SMOC1: variants seen among roughly 807,000 people sequenced by gnomAD.
SMOC1 encodes the protein SPARC related modular calcium binding 1.
A neutral mutation model predicts 56.3 loss-of-function variants in SMOC1; 22 were observed. That is an observed-to-expected ratio of 0.39 (90% CI 0.28 to 0.56). The LOEUF (loss-of-function observed/expected upper bound fraction) is 0.56, where lower values mean the gene tolerates loss of function less well. Among genes scored for constraint, SMOC1 ranks in the 20% least tolerant of loss-of-function variants. SMOC1 has a pLI of 0.61. For missense variants in SMOC1, 509 were observed against 565.4 expected, an observed-to-expected ratio of 0.90 and a Z score of 1.01; for synonymous variants, 193 against 215.0, an observed-to-expected ratio of 0.90 and a Z score of 0.89.
rs1883023884 is a variant in SMOC1 at position 69,952,181 on chromosome 14, C to T, written c.143C>T (p.Ser48Phe). The T allele has an allele frequency of 1.2e-6, 2 of 1,614,152 alleles. No individual in the cohort carries two copies. The highest frequency in any genetic ancestry group is 2.7e-5 in the African/African-American group (2 of 75,042). ...GACCCACAGTGCAACCTCCACTGCT[C>T]CAGGACTCAACCCAAACCCATCTGT... ...DRDPQCNLHC[S>F]RTQPKPICAS... Residue 48 changes from serine to phenylalanine, a missense_variant, in exon 2 of 12, where the codon TCC becomes TTC. By Grantham distance (155) the Ser-to-Phe change is radical (BLOSUM62 -2). Coordinates refer to ENST00000361956, the MANE Select transcript of SMOC1 (RefSeq NM_001034852.3).
chr14:69,950,161 C>T (rs1387699164), intron 1 of SMOC1, among the ~76,000 whole-genome samples: 1 of 152,248 alleles, frequency 6.6e-6, no homozygotes, highest in Non-Finnish European at 1.5e-5. Flanking sequence ...CGCAATTTCA[C>T]TGTCCATTTG....
intron 1 of SMOC1, among the ~76,000 whole-genome samples, chr14:69,918,611 A>G (rs964595763): frequency 2.0e-5 from 3 of 152,188 alleles, no homozygotes; most frequent in East Asian, 1.9e-4. Flanking sequence ...GCTGGTGACC[A>G]TGGCTAAGTA....
At chr14:69,946,867 C>G (rs865972110) in intron 1 of SMOC1, among the ~76,000 whole-genome samples, 39 of 152,228 alleles carry the variant, frequency 2.6e-4, no homozygotes, top group African/African-American at 8.2e-4. Flanking sequence ...ATAGTGAGTA[C>G]TTGTGATATC....
chr14:69,965,885 G>A lies in SMOC1; in HGVS notation c.379-9830G>A, dbSNP rs116116344. Among the ~76,000 whole-genome samples, 309 of 152,322 alleles carry A rather than the reference G, an allele frequency of 2.0e-3. 2 individuals are homozygous for A. The highest frequency in any genetic ancestry group is 7.2e-3 in the African/African-American group (298 of 41,574). ...TTTTGCCACTGCTCTGTGAGTGCAC[G>A]TAACATGCTGGGAGGTGACCCGGCA... On this transcript the variant is annotated intron_variant, in intron 3 of 11. Transcript: ENST00000361956.
At chr14:69,999,271 T>A (rs1594847474) in intron 7 of SMOC1, among the ~76,000 whole-genome samples, 1 of 150,344 alleles carries the variant, frequency 6.7e-6, no homozygotes, top group Non-Finnish European at 1.5e-5. Context: ...GGATAGCTGC[T>A]ATGACTGGGA....
chr14:69,981,249 T>C lies in SMOC1; in HGVS notation c.526+3284T>C, dbSNP rs761705248. Among the ~76,000 whole-genome samples the C allele has an allele frequency of 2.3e-4, 35 of 152,038 alleles. 1 individual carries two copies. The highest frequency in any genetic ancestry group is 2.6e-4 in the Non-Finnish European group (18 of 67,990). ...GGGGAAGGAGGGGGAGACACTGTTATCTTACCCAGATGCACGTGCTCCAGG... is the reference window on the plus strand; with the variant it reads ...GGGGAAGGAGGGGGAGACACTGTTACCTTACCCAGATGCACGTGCTCCAGG... On this transcript the variant is annotated intron_variant, in intron 5 of 11. Coordinates refer to ENST00000361956, the MANE Select transcript of SMOC1 (RefSeq NM_001034852.3).
chr14:70,003,297 A>C (rs1885034106), intron 7 of SMOC1, among the ~76,000 whole-genome samples: 1 of 152,154 alleles, frequency 6.6e-6, no homozygotes, highest in Admixed American at 6.5e-5. Context: ...CTCCTTTTGC[A>C]ATGAAACCCA....
At chr14:69,919,950 C>T (rs972171354) in intron 1 of SMOC1, among the ~76,000 whole-genome samples, 2 of 135,312 alleles carry the variant, frequency 1.5e-5, no homozygotes, top group African/African-American at 5.4e-5. Flanking sequence ...GGATAAAAGG[C>T]ACATACATTG....
At chr14:69,914,841 C>T (rs1185653265) in intron 1 of SMOC1, among the ~76,000 whole-genome samples, 1 of 150,612 alleles carries the variant, frequency 6.6e-6, no homozygotes, top group East Asian at 2.0e-4. Context: ...GACTAGTTTA[C>T]GTATTCTTTT....
At chr14:70,018,879 G>A (rs376979141) in intron 10 of SMOC1, among the ~76,000 whole-genome samples, 16 of 152,336 alleles carry the variant, frequency 1.1e-4, no homozygotes, top group African/African-American at 3.1e-4. Context: ...TTTCCCAGCC[G>A]CACCCGCACA....
intron 1 of SMOC1, among the ~76,000 whole-genome samples, chr14:69,902,761 C>T (rs59691011): frequency 0.033 from 5,073 of 152,262 alleles, 213 homozygotes; most frequent in African/African-American, 0.097. Context: ...CGATTGCAGG[C>T]GCGCGCCGCC....
intron 1 of SMOC1, among the ~76,000 whole-genome samples, chr14:69,889,303 A>C (rs1883896757): frequency 6.6e-6 from 1 of 152,118 alleles, no homozygotes; most frequent in Admixed American, 6.5e-5. Flanking sequence ...CCTGCCCATC[A>C]TTCAAAAGGT....
At chr14:69,925,803 T>C (rs1045034521) in intron 1 of SMOC1, among the ~76,000 whole-genome samples, 3 of 152,160 alleles carry the variant, frequency 2.0e-5, no homozygotes, top group African/African-American at 7.2e-5. Flanking sequence ...GCAAGTTCAT[T>C]GTAGGTTAGA....
intron 5 of SMOC1, among the ~76,000 whole-genome samples, chr14:69,985,764 A>G (rs1030573947): frequency 1.1e-4 from 17 of 152,210 alleles, no homozygotes; most frequent in Non-Finnish European, 1.2e-4. Context: ...AAGTGGATAG[A>G]TTGCAAAATG....
chr14:70,006,040 T>A (rs1242850626), intron 7 of SMOC1, among the ~76,000 whole-genome samples: 1 of 152,202 alleles, frequency 6.6e-6, no homozygotes, highest in East Asian at 1.9e-4. Context: ...TGTCTTGCAT[T>A]CTGGAAGGGG....
intron 3 of SMOC1, among the ~76,000 whole-genome samples, chr14:69,968,142 G>A (rs1366586185): frequency 1.3e-5 from 2 of 152,290 alleles, no homozygotes; most frequent in African/African-American, 2.4e-5. Flanking sequence ...AAACTCTCAC[G>A]TAGAAAACTA....
chr14:69,883,889 ATTTTTTTTTTTTTT>A (rs34300667), intron 1 of SMOC1, among the ~76,000 whole-genome samples: 18 of 66,624 alleles, frequency 2.7e-4, no homozygotes, highest in African/African-American at 1.0e-3. Context: ...GATGTTGAGC[ATTTTTTTTTTTTTT>A]TTTTTTTTTT....
intron 5 of SMOC1, among the ~76,000 whole-genome samples, chr14:69,982,516 GCAAACATCC>G (rs1241044772): frequency 6.6e-6 from 1 of 152,206 alleles, no homozygotes; most frequent in Non-Finnish European, 1.5e-5. Context: ...GCAATGGCTG[GCAAACATCC>G]CAGACGAAGG....
At chr14:70,016,697 C>T (rs1885525500) in intron 10 of SMOC1, among the ~76,000 whole-genome samples, 1 of 152,176 alleles carries the variant, frequency 6.6e-6, no homozygotes, top group East Asian at 1.9e-4. Context: ...CTTTCCTTCC[C>T]ACCATTATGT....
Sources: allele counts gnomAD v4.1 joint callset (sites outside exome capture counted in the v4.1 genomes callset), GRCh38; gene constraint gnomAD v4.1.1; transcripts MANE v1.5; gene names NCBI Gene and HGNC (gene_info 2026-07-23, HGNC 2026-07-21).